SESTD1: variants seen among roughly 807,000 people sequenced by gnomAD.
The protein encoded by SESTD1 is SEC14 domain and spectrin repeat-containing protein 1.
SESTD1 carries 43 observed loss-of-function variants against 101.7 expected under a neutral mutation model. The ratio of observed to expected loss-of-function variants is 0.42; its 90% CI spans 0.33 to 0.55. The LOEUF (loss-of-function observed/expected upper bound fraction) is 0.55, where lower values mean the gene tolerates loss of function less well. Among genes scored for constraint, SESTD1 ranks in the 20% least tolerant of loss-of-function variants. SESTD1 has a pLI of 0.07. For missense variants in SESTD1, 647 were observed against 815.1 expected, an observed-to-expected ratio of 0.79 and a Z score of 2.51; for synonymous variants, 283 against 286.8, an observed-to-expected ratio of 0.99 and a Z score of 0.13.
At chr2:179,174,310 T>A (rs2045973506) in intron 4 of SESTD1, 9 of 382,408 alleles carry the variant, frequency 2.4e-5, no homozygotes, top group South Asian at 1.5e-4. Flanking sequence ...TTGCAACTTC[T>A]GAAAATGTTA....
chr2:179,117,585 A>G lies in SESTD1; in HGVS notation c.1471T>C (p.Leu491=), dbSNP rs1288552796. The part of the protein sequence containing the change: ...RCEDMVDVRR[L]KMLQMVQLFK... ...AACTGCACCATCTGAAGCATCTTTA[A>G]CCTTCGCACATCTACCATGTCTTCA... is the stretch of plus-strand genomic sequence containing the variant. The change falls in exon 14 of 18, where the codon TTA becomes CTA. Residue 491 remains leucine (L), a synonymous_variant. Transcript: ENST00000428443. The G allele has an allele frequency of 2.5e-6, 4 of 1,585,630 alleles. No individual in the cohort carries two copies. The highest frequency in any genetic ancestry group is 1.9e-5 in the Admixed American group (1 of 52,820).
chr2:179,191,333 A>C (rs1481583477), intron 2 of SESTD1, among the ~76,000 whole-genome samples: 4 of 152,174 alleles, frequency 2.6e-5, no homozygotes, highest in Admixed American at 2.6e-4. Context: ...CAGAAACAGA[A>C]AACCAAATAT....
intron 7 of SESTD1, among the ~76,000 whole-genome samples, chr2:179,149,032 C>G (rs1022505257): frequency 2.4e-5 from 3 of 125,964 alleles, no homozygotes; most frequent in Non-Finnish European, 3.1e-5. Flanking sequence ...TGCACTCCAG[C>G]CTGGGTGACA....
At chr2:179,182,759 C>T (rs1234337985) in intron 3 of SESTD1, among the ~76,000 whole-genome samples, 1 of 152,006 alleles carries the variant, frequency 6.6e-6, no homozygotes, top group Admixed American at 6.6e-5. Flanking sequence ...AAATAGCTTA[C>T]CTAAATAAAA....
In SESTD1 at chr2:179,199,092, A is replaced by G. The variant is rs973316799; in HGVS notation, c.-25-7226T>C. Among the ~76,000 whole-genome samples, 6 of 152,172 alleles carry G rather than the reference A, an allele frequency of 3.9e-5. No homozygotes were observed. In the East Asian group the frequency reaches 1.2e-3, roughly 29 times the overall value. On this transcript the variant is annotated intron_variant, in intron 1 of 17. Coordinates refer to ENST00000428443, the MANE Select transcript of SESTD1 (RefSeq NM_178123.5). ...ATAAAGAAAAAAGAGAGAAGAATCA[A>G]ATAGACGCAATAAAAAATGATAAAG...
At chr2:179,152,518 TAAG>T (rs1265310811) in intron 5 of SESTD1, among the ~76,000 whole-genome samples, 9 of 152,258 alleles carry the variant, frequency 5.9e-5, no homozygotes, top group African/African-American at 2.2e-4. Context: ...AAAAACAACT[TAAG>T]GAGGACTTGT....
At chr2:179,167,038 A>G (rs1268759082) in intron 5 of SESTD1, among the ~76,000 whole-genome samples, 2 of 152,192 alleles carry the variant, frequency 1.3e-5, no homozygotes, top group Non-Finnish European at 2.9e-5. Context: ...AAGGAAGGAA[A>G]ATGACCCACT....
chr2:179,229,782 TACACACACACACAC>T (rs141203169), intron 1 of SESTD1, among the ~76,000 whole-genome samples: 3 of 115,454 alleles, frequency 2.6e-5, no homozygotes, highest in Non-Finnish European at 5.4e-5. Context: ...TATACTCAAA[TACACACACACACAC>T]ACACACACAC....
At chr2:179,251,289 G>A (rs1329396439) in intron 1 of SESTD1, among the ~76,000 whole-genome samples, 1 of 152,138 alleles carries the variant, frequency 6.6e-6, no homozygotes, top group African/African-American at 2.4e-5. Flanking sequence ...AACTGGGTGT[G>A]GCCACAGAAA....
intron 1 of SESTD1, among the ~76,000 whole-genome samples, chr2:179,249,445 A>G (rs770239131): frequency 6.6e-6 from 1 of 152,194 alleles, no homozygotes; most frequent in Non-Finnish European, 1.5e-5. Flanking sequence ...ATACTTAGTT[A>G]TAAATCTAAC....
In SESTD1 at chr2:179,170,346, T is replaced by C. The variant is rs74801705; in HGVS notation, c.369+1774A>G. Among the ~76,000 whole-genome samples, 1,016 of 152,252 alleles carry C rather than the reference T, an allele frequency of 6.7e-3. 2 individuals carry two copies. The highest frequency in any genetic ancestry group is 0.027 in the Middle Eastern group (8 of 294). ...TTATGTGTCTCATAAATGACTTCTA[T>C]ACAAAATACATAAAAAACTCTCAAA... On this transcript the variant is annotated intron_variant, in intron 5 of 17. Coordinates refer to ENST00000428443, the MANE Select transcript of SESTD1 (RefSeq NM_178123.5).
At chr2:179,121,727 T>A in intron 13 of SESTD1, 43 bp downstream of exon 13, 1 of 1,479,782 alleles carries the variant, frequency 6.8e-7, no homozygotes, top group South Asian at 1.4e-5. Flanking sequence ...TTAACTAATA[T>A]TGTTATTATT....
chr2:179,179,335 T>C (rs2046068355), intron 3 of SESTD1, among the ~76,000 whole-genome samples: 1 of 152,142 alleles, frequency 6.6e-6, no homozygotes, highest in South Asian at 2.1e-4. Context: ...AGCCTCCTAG[T>C]TCCTAGTCCA....
intron 2 of SESTD1, among the ~76,000 whole-genome samples, chr2:179,184,988 A>G (rs2046185761): frequency 6.6e-6 from 1 of 152,206 alleles, no homozygotes; most frequent in South Asian, 2.1e-4. Context: ...CAAATGCTAC[A>G]CAGAGACAAG....
intron 7 of SESTD1, 131 bp from the exon 8 acceptor site, chr2:179,146,588 T>C (rs757018502): frequency 8.9e-6 from 6 of 671,188 alleles, no homozygotes; most frequent in African/African-American, 5.6e-5. Flanking sequence ...CATCCTACCA[T>C]GCTAACTTCT....
chr2:179,176,378 T>C lies in SESTD1; in HGVS notation c.255+70A>G, dbSNP rs145709124. On this transcript the variant is annotated intron_variant, in intron 4 of 17. Coordinates refer to ENST00000428443, the MANE Select transcript of SESTD1 (RefSeq NM_178123.5). ...GGCACAGTCCAATAAATTAAATGCA[T>C]TTGCCATTTTCACCAGGATCTGTTG... 2.4e-3 allele frequency: 2,787 copies of C among 1,177,616 alleles called. 18 individuals carry two copies. The highest frequency in any genetic ancestry group is 0.018 in the Middle Eastern group (96 of 5,212). The allele number at this position is 1,177,616 out of a possible 1,614,324, so 72.9% of individuals were successfully genotyped here.
intron 5 of SESTD1, among the ~76,000 whole-genome samples, chr2:179,166,514 A>G (rs2045837868): frequency 6.6e-6 from 1 of 152,204 alleles, no homozygotes; most frequent in Non-Finnish European, 1.5e-5. Context: ...TATAAACCCG[A>G]ACTATCATAG....
chr2:179,221,044 A>G (rs1223732784), intron 1 of SESTD1, among the ~76,000 whole-genome samples: 1 of 152,194 alleles, frequency 6.6e-6, no homozygotes, highest in Non-Finnish European at 1.5e-5. Context: ...ACATAAAATA[A>G]TACTTTTGTT....
intron 1 of SESTD1, among the ~76,000 whole-genome samples, chr2:179,195,439 G>A (rs1405148953): frequency 1.3e-5 from 2 of 152,192 alleles, no homozygotes; most frequent in Non-Finnish European, 2.9e-5. Flanking sequence ...AGAACTGTGA[G>A]TGAATTAAAC....
Sources: allele counts gnomAD v4.1 joint callset (sites outside exome capture counted in the v4.1 genomes callset), GRCh38; gene constraint gnomAD v4.1.1; transcripts MANE v1.5; gene names NCBI Gene and HGNC (gene_info 2026-07-23, HGNC 2026-07-21).